The following BCL11B variants were observed in gnomAD, a reference collection of about 807,000 sequenced individuals.
BCL11B encodes BCL11 transcription factor B.
Under a neutral mutation model 49.9 loss-of-function variants are expected in BCL11B, and 8 were observed. The observed-to-expected ratio is 0.16, with a 90% CI of 0.09 to 0.29. BCL11B has a LOEUF of 0.29. Ranked by LOEUF, BCL11B falls within the 10% of genes least tolerant of loss-of-function variation. BCL11B has a pLI of 1.00. For missense variants in BCL11B, 1,006 were observed against 1,351.0 expected (o/e 0.74, Z 4.00); for synonymous variants, 739 against 637.4 (o/e 1.16, Z -2.40).
chr14:99,177,728 T>C (rs1269216275), intron 3 of BCL11B, among the ~76,000 whole-genome samples: 1 of 151,760 alleles, frequency 6.6e-6, no homozygotes, highest in Non-Finnish European at 1.5e-5. Context: ...GAATGACCCT[T>C]CCCAATATCG....
chr14:99,199,150 T>G (rs1446545441), intron 3 of BCL11B, among the ~76,000 whole-genome samples: 1 of 152,242 alleles, frequency 6.6e-6, no homozygotes, highest in East Asian at 1.9e-4. Context: ...TCCTCCCTGA[T>G]CCACGTCCTG....
chr14:99,259,692 T>C (rs944473961), intron 1 of BCL11B, among the ~76,000 whole-genome samples: 5 of 152,128 alleles, frequency 3.3e-5, no homozygotes, highest in Non-Finnish European at 7.3e-5. Flanking sequence ...AAAGAAACAG[T>C]CCTCACAAAG....
intron 3 of BCL11B, among the ~76,000 whole-genome samples, chr14:99,227,870 C>T (rs1414313629): frequency 6.6e-6 from 1 of 152,086 alleles, no homozygotes; most frequent in Non-Finnish European, 1.5e-5. Context: ...AGACTCAAAG[C>T]CCCACCTTCC....
Position 99,236,130 on chromosome 14 carries a change from G to A in BCL11B, c.428-4573C>T, listed in dbSNP as rs530740697. ...CAAGTGATTAACAAAGAACAAGCACGCAGAAATATGGAAATGGGAGCCGGG... is the reference window on the plus strand; with the variant it reads ...CAAGTGATTAACAAAGAACAAGCACACAGAAATATGGAAATGGGAGCCGGG... On this transcript the variant is annotated intron_variant, in intron 2 of 3. Transcript: ENST00000357195. 1.2e-4 allele frequency among the ~76,000 whole-genome samples: 19 copies of A among 152,240 alleles called. No homozygotes were observed. The East Asian group carries it at 2.7e-3, about 22-fold the overall frequency.
chr14:99,197,124 T>C (rs1392872846), intron 3 of BCL11B, among the ~76,000 whole-genome samples: 2 of 152,206 alleles, frequency 1.3e-5, no homozygotes, highest in African/African-American at 4.8e-5. Context: ...GCTAAATGCA[T>C]GCCTTTCCAC....
At position 99,174,931 on chromosome 14, in the gene BCL11B, G is replaced by C; in HGVS notation, c.1905C>G (p.Asp635Glu). 7.6e-7 allele frequency: 1 copy of C among 1,323,918 alleles called. No individual in the cohort carries two copies. Among genetic ancestry groups the C allele is most frequent in the Non-Finnish European group, 9.7e-7 (1 of 1,032,220 alleles). 82.0% of individuals were successfully genotyped at this position (1,323,918 alleles called of 1,614,324 possible). The stretch of plus-strand genomic sequence containing the variant: ...CCCCGCAGCCGCCCGCGTCGTCGTC[G>C]TCGCCCGCGTCCCCGCCGCCCGCCG... ...KRAAGGGDAG[D>E]DDDAGGCGDA... The change falls in exon 4 of 4, where the codon GAC (aspartate) becomes GAG (glutamate). Residue 635 changes from aspartate (D) to glutamate (E), a missense_variant. Around this residue, in one of 6 missense-constraint regions of BCL11B, gnomAD observed 443 missense variants for 499.7 expected, o/e 0.89. Transcript: ENST00000357195.
Position 99,174,127 on chromosome 14 carries a change from T to A in BCL11B, c.*24A>T. ...GTTGGCAACGGTTCCACTGTACAGG[T>A]GCGGGGCGCCGGGGCCCGCGCGCTT... is the stretch of plus-strand genomic sequence containing the variant. On this transcript the variant is annotated 3_prime_UTR_variant, in exon 4 of 4. Transcript: ENST00000357195. 1 of 1,603,280 alleles carries A rather than the reference T, an allele frequency of 6.2e-7. No homozygotes were observed. Among genetic ancestry groups the A allele is most frequent in the Non-Finnish European group, 8.5e-7 (1 of 1,177,130 alleles).
At chr14:99,212,714 CCCAGG>C (rs1047518910) in intron 3 of BCL11B, among the ~76,000 whole-genome samples, 8 of 152,186 alleles carry the variant, frequency 5.3e-5, no homozygotes, top group African/African-American at 1.9e-4. Context: ...ACGCCCCACC[CCCAGG>C]AGCTGAAGCT....
intron 3 of BCL11B, among the ~76,000 whole-genome samples, chr14:99,225,866 C>T (rs1888144294): frequency 6.6e-6 from 1 of 152,220 alleles, no homozygotes; most frequent in Non-Finnish European, 1.5e-5. Flanking sequence ...TATCTAAGGA[C>T]AGTCATGCTG....
intron 3 of BCL11B, among the ~76,000 whole-genome samples, chr14:99,187,344 C>T (rs2139787646): frequency 6.6e-6 from 1 of 152,274 alleles, no homozygotes; most frequent in Admixed American, 6.5e-5. Context: ...TAGAGGTTGT[C>T]TTTAGAGGTC....
intron 3 of BCL11B, among the ~76,000 whole-genome samples, chr14:99,176,855 T>A (rs1165936336): frequency 6.6e-6 from 1 of 151,944 alleles, no homozygotes; most frequent in Non-Finnish European, 1.5e-5. Context: ...GAACAACCAA[T>A]TCTGATAATA....
At chr14:99,229,942 C>A (rs1039772829) in intron 3 of BCL11B, among the ~76,000 whole-genome samples, 1 of 152,242 alleles carries the variant, frequency 6.6e-6, no homozygotes, top group African/African-American at 2.4e-5. Flanking sequence ...ACCTGGGGAC[C>A]AGCACAGCCC....
chr14:99,254,575 C>G (rs1889102389), intron 2 of BCL11B, among the ~76,000 whole-genome samples: 1 of 152,250 alleles, frequency 6.6e-6, no homozygotes, highest in Admixed American at 6.5e-5. Flanking sequence ...TGAGCCTGGA[C>G]AGCCAAAGCC....
chr14:99,264,573 G>A (rs2139969390), intron 1 of BCL11B: 1 of 151,812 alleles, frequency 6.6e-6, no homozygotes, highest in Middle Eastern at 3.4e-3. Context: ...AAATAGCTCA[G>A]GCTGGCTATT....
chr14:99,257,847 CAGAA>C lies in BCL11B; in HGVS notation c.59-12_59-9del, dbSNP rs933419680. ...CCACATGGTCAGCCTCTGCTGGAGACAGAAAGAAGAAAGGGAAGGGGCAGAGAAG... is the reference window on the plus strand; with the variant it reads ...CCACATGGTCAGCCTCTGCTGGAGACAGAAGAAAGGGAAGGGGCAGAGAAG... On this transcript the variant is annotated splice_polypyrimidine_tract_variant and intron_variant, in intron 1 of 3. Transcript: ENST00000357195. This position sits in a 1 kb window ranked among gnomAD's most constrained non-coding sequence, Gnocchi z 6.2. The C allele has an allele frequency of 3.3e-6, 5 of 1,506,614 alleles. No homozygotes were observed. Among genetic ancestry groups the C allele is most frequent in the South Asian group, 1.4e-5 (1 of 73,306 alleles). 93.3% of individuals were successfully genotyped at this position (1,506,614 alleles called of 1,614,324 possible).
At chr14:99,187,232 T>C (rs533941064) in intron 3 of BCL11B, among the ~76,000 whole-genome samples, 1 of 152,104 alleles carries the variant, frequency 6.6e-6, no homozygotes, top group South Asian at 2.1e-4. Context: ...GTGAAAACAG[T>C]GGTGTTTGTC....
Position 99,175,810 on chromosome 14 carries a change from G to A in BCL11B, c.1026C>T (p.Pro342=). The change falls in exon 4 of 4, where the codon CCC becomes CCT. Residue 342 remains proline, a synonymous_variant. Coordinates refer to ENST00000357195, the MANE Select transcript of BCL11B (RefSeq NM_138576.4). ...AEEMGLVAQH[P]SAFDRVMRLN... ...GGCGCATGACTCGGTCGAAGGCACT[G>A]GGGTGCTGGGCGACGAGCCCCATCT... 3 of 1,474,626 alleles carry A rather than the reference G, an allele frequency of 2.0e-6. No homozygotes were observed. Among genetic ancestry groups the A allele is most frequent in the Non-Finnish European group, 2.7e-6 (3 of 1,121,044 alleles). The allele number at this position is 1,474,626 out of a possible 1,614,324, so 91.3% of individuals were successfully genotyped here.
rs1888913610 is a variant in BCL11B at position 99,248,556 on chromosome 14, G to C, written c.427+8915C>G. Among the ~76,000 whole-genome samples, 1 of 152,154 alleles carries C rather than the reference G, an allele frequency of 6.6e-6. No individual in the cohort carries two copies. The highest frequency in any genetic ancestry group is 2.1e-4 in the South Asian group (1 of 4,822). ...TTAGGGACAGGGCCTGGTCACACAAGGGGCTCTGAGCTTCAACTGTTTACC... is the reference window on the plus strand; with the variant it reads ...TTAGGGACAGGGCCTGGTCACACAACGGGCTCTGAGCTTCAACTGTTTACC... On this transcript the variant is annotated intron_variant, in intron 2 of 3. Transcript: ENST00000357195. The surrounding 1 kb of genome is among the most constrained non-coding windows in gnomAD (Gnocchi z 4.7).
At chr14:99,201,836 C>G (rs1273383880) in intron 3 of BCL11B, among the ~76,000 whole-genome samples, 1 of 152,322 alleles carries the variant, frequency 6.6e-6, no homozygotes, top group South Asian at 2.1e-4. Context: ...CGGTGCCTCA[C>G]ACTGCTCCCG....
Sources: allele counts gnomAD v4.1 joint callset (sites outside exome capture counted in the v4.1 genomes callset), GRCh38; gene constraint gnomAD v4.1.1; regional missense constraint gnomAD v4.1.1; non-coding constraint Gnocchi (gnomAD v3.1); transcripts MANE v1.5; gene names NCBI Gene and HGNC (gene_info 2026-07-23, HGNC 2026-07-21).